The following ADGRF5 variants were observed in gnomAD, a reference collection of about 807,000 sequenced individuals.
ADGRF5 encodes adhesion G protein-coupled receptor F5.
Under a neutral mutation model 132.3 loss-of-function variants are expected in ADGRF5, and 75 were observed. The ratio of observed to expected loss-of-function variants is 0.57; its 90% CI spans 0.47 to 0.69. The LOEUF is 0.69. ADGRF5 is among the 30% of genes least tolerant of loss of function. The pLI, the probability that ADGRF5 is intolerant of heterozygous loss-of-function variation, is 0.00. For synonymous variants in ADGRF5, 629 were observed against 597.6 expected (o/e 1.05, Z -0.77); for missense variants, 1,516 against 1,630.6 (o/e 0.93, Z 1.21).
At chr6:46,932,085 A>G (rs2144427) in intron 1 of ADGRF5, among the ~76,000 whole-genome samples, 82,001 of 152,156 alleles carry the variant, frequency 0.54, 23,321 homozygotes, top group East Asian at 0.63. Context: ...ATATTGAAAT[A>G]CAGTTAAAAC....
At chr6:46,905,326 A>G (rs1274396890) in intron 2 of ADGRF5, 4 of 152,194 alleles carry the variant, frequency 2.6e-5, no homozygotes, top group Admixed American at 2.6e-4. Flanking sequence ...GAGACACACC[A>G]TATATATTCC....
At chr6:46,874,328 T>G (rs1771404870) in intron 10 of ADGRF5, among the ~76,000 whole-genome samples, 1 of 152,224 alleles carries the variant, frequency 6.6e-6, no homozygotes, top group Admixed American at 6.5e-5. Context: ...ACCTGAAATA[T>G]TCTCATTCCC....
chr6:46,901,731 C>G (rs1361855366), intron 2 of ADGRF5, among the ~76,000 whole-genome samples: 1 of 152,018 alleles, frequency 6.6e-6, no homozygotes, highest in Non-Finnish European at 1.5e-5. Context: ...TCCTGGGAAA[C>G]TGGCTTTGTC....
At position 46,863,019 on chromosome 6, in the gene ADGRF5, A is replaced by G; in HGVS notation, c.2068T>C (p.Ser690Pro). 1 of 1,613,966 alleles carries G rather than the reference A, an allele frequency of 6.2e-7. No homozygotes were observed. Among genetic ancestry groups the G allele is most frequent in the Non-Finnish European group, 8.5e-7 (1 of 1,179,892 alleles). Residue 690 changes from serine to proline, a missense_variant, in exon 15 of 21, where the codon TCA becomes CCA. Coordinates refer to ENST00000283296, the MANE Select transcript of ADGRF5 (RefSeq NM_001098518.2). ...GKVIQKLCRF[S>P]NVPSSPESPI... ...CTCTCAGGGCTGCTGGGAACGTTTG[A>G]GAACCGGCATAGCTTCTGGATGACT...
At chr6:46,882,844 T>C (rs1211651519) in intron 6 of ADGRF5, among the ~76,000 whole-genome samples, 1 of 152,216 alleles carries the variant, frequency 6.6e-6, no homozygotes, top group Non-Finnish European at 1.5e-5. Context: ...TTGGGTTACA[T>C]GCTGAGATGA....
chr6:46,910,516 C>A (rs1384583931), intron 1 of ADGRF5, among the ~76,000 whole-genome samples: 3 of 152,088 alleles, frequency 2.0e-5, no homozygotes, highest in Non-Finnish European at 2.9e-5. Flanking sequence ...TCTCAAGGAG[C>A]CTCTGATACT....
intron 2 of ADGRF5, 46 bp downstream of exon 2, chr6:46,906,615 G>GA (rs1276693270): frequency 4.9e-6 from 5 of 1,028,386 alleles, no homozygotes; most frequent in Non-Finnish European, 7.5e-6. Flanking sequence ...CAGGAAATCA[G>GA]AAAAATGTGA....
intron 9 of ADGRF5, among the ~76,000 whole-genome samples, chr6:46,878,735 C>A (rs186585194): frequency 6.6e-6 from 1 of 152,066 alleles, no homozygotes; most frequent in African/African-American, 2.4e-5. Flanking sequence ...GTAATATTGC[C>A]GTAGTATTTA....
At chr6:46,862,299 A>G (rs1562147590) in intron 15 of ADGRF5, among the ~76,000 whole-genome samples, 1 of 152,182 alleles carries the variant, frequency 6.6e-6, no homozygotes, top group Non-Finnish European at 1.5e-5. Context: ...CAACAAATCA[A>G]GTGTGGAGGT....
intron 3 of ADGRF5, among the ~76,000 whole-genome samples, chr6:46,893,444 C>T (rs1406613835): frequency 6.6e-6 from 1 of 152,104 alleles, no homozygotes; most frequent in African/African-American, 2.4e-5. Flanking sequence ...ATCAGCGTGA[C>T]CCACATAGCG....
chr6:46,879,307 T>C lies in ADGRF5; in HGVS notation c.1036+511A>G, dbSNP rs542607449. On this transcript the variant is annotated intron_variant, in intron 9 of 20. Coordinates refer to ENST00000283296, the MANE Select transcript of ADGRF5 (RefSeq NM_001098518.2). The stretch of plus-strand genomic sequence containing the variant: ...ACCACGGTGATATGATTTGGCTCTG[T>C]GTCCCCTCCCAAATCTCATGTCGAA... 9.3e-3 allele frequency among the ~76,000 whole-genome samples: 1,382 copies of C among 149,140 alleles called. 24 individuals carry two copies. Among genetic ancestry groups the C allele is most frequent in the African/African-American group, 0.033 (1,291 of 38,574 alleles).
chr6:46,896,977 T>A (rs78332314), intron 3 of ADGRF5, among the ~76,000 whole-genome samples: 1 of 151,918 alleles, frequency 6.6e-6, no homozygotes, highest in African/African-American at 2.4e-5. Context: ...TATATGCAAA[T>A]TGACACAATT....
chr6:46,941,427 AAAAG>A (rs1561838799), intron 1 of ADGRF5, among the ~76,000 whole-genome samples: 4 of 65,438 alleles, frequency 6.1e-5, no homozygotes, highest in Admixed American at 1.9e-4. Flanking sequence ...AAAAGAAAAG[AAAAG>A]AAAAGAAAAG....
intron 10 of ADGRF5, among the ~76,000 whole-genome samples, chr6:46,876,198 C>T (rs571766413): frequency 3.9e-5 from 6 of 152,214 alleles, no homozygotes; most frequent in Admixed American, 6.5e-5. Context: ...AAGGCAGAGG[C>T]TAAATCCATC....
intron 15 of ADGRF5, among the ~76,000 whole-genome samples, chr6:46,861,999 G>A (rs552794360): frequency 4.0e-5 from 6 of 148,998 alleles, no homozygotes; most frequent in Non-Finnish European, 7.4e-5. Flanking sequence ...TACCCAATTC[G>A]ATTATTTTCT....
At chr6:46,860,508 T>TTCACTAATAAA (rs755639826) in intron 16 of ADGRF5, among the ~76,000 whole-genome samples, 64 of 152,312 alleles carry the variant, frequency 4.2e-4, no homozygotes, top group South Asian at 8.3e-4. Context: ...AAAGCAGAGA[T>TTCACTAATAAA]TCACTAATAA....
chr6:46,937,778 T>G (rs1016308992), intron 1 of ADGRF5, among the ~76,000 whole-genome samples: 1 of 152,170 alleles, frequency 6.6e-6, no homozygotes, highest in African/African-American at 2.4e-5. Flanking sequence ...CTGCAATACA[T>G]ATCTTGACAG....
chr6:46,934,790 A>G (rs1208216713), intron 1 of ADGRF5, among the ~76,000 whole-genome samples: 1 of 152,208 alleles, frequency 6.6e-6, no homozygotes, highest in Non-Finnish European at 1.5e-5. Flanking sequence ...AGGAGCTGCT[A>G]TATAAATGAG....
chr6:46,888,659 A>G lies in ADGRF5; in HGVS notation c.158-154T>C, dbSNP rs569886118. Among the ~76,000 whole-genome samples the G allele has an allele frequency of 6.0e-4, 92 of 152,282 alleles. 1 individual carries two copies. The highest frequency in any genetic ancestry group is 2.2e-3 in the African/African-American group (90 of 41,560). ...TTTCTAATGAAATCTTTAGAGAAAA[A>G]GAAGGTTTATTTACTCACCACCTTG... On this transcript the variant is annotated intron_variant, in intron 3 of 20. Coordinates refer to ENST00000283296, the MANE Select transcript of ADGRF5 (RefSeq NM_001098518.2).
Sources: allele counts gnomAD v4.1 joint callset (sites outside exome capture counted in the v4.1 genomes callset), GRCh38; gene constraint gnomAD v4.1.1; transcripts MANE v1.5; gene names NCBI Gene and HGNC (gene_info 2026-07-23, HGNC 2026-07-21).